The following HOXB6 variants were observed in gnomAD, a reference collection of about 807,000 sequenced individuals.
The protein encoded by HOXB6 is homeobox protein Hox-B6.
HOXB6 carries 18 observed loss-of-function variants against 24.2 expected under a neutral mutation model. The ratio of observed to expected loss-of-function variants is 0.74; its 90% confidence interval spans 0.51 to 1.10. HOXB6 has a LOEUF of 1.10. Among genes scored for constraint, HOXB6 ranks in the 50% least tolerant of loss-of-function variants. The pLI is 0.00. For missense variants in HOXB6, 332 were observed against 308.3 expected (o/e 1.08, Z -0.58); for synonymous variants, 159 against 139.1 (o/e 1.14, Z -1.01).
chr17:48,601,015 T>TGTGGTGTG (rs1555645474), intron 2 of HOXB6, among the ~76,000 whole-genome samples: 1 of 149,066 alleles, frequency 6.7e-6, no homozygotes, highest in Non-Finnish European at 1.5e-5. Context: ...TGTGTGTGTG[T>TGTGGTGTG]GTGTGGTGTG....
rs753170237 is a variant in HOXB6, at chr17:48,597,822, T to C, written c.329A>G (p.Gln110Arg). The stretch of plus-strand genomic sequence containing the variant: ...TGTCTCGCCGAACACGCTCTTGTCC[T>C]GCGCGCAGTCCGACTTCCGCGGCTC... ...HPEPRKSDCAQDKSVFGETEE... is the reference protein window; with the variant it reads ...HPEPRKSDCARDKSVFGETEE... Residue 110 changes from glutamine to arginine, a missense_variant, in exon 3 of 4, where the codon CAG becomes CGG. Coordinates refer to ENST00000225648, the MANE Select transcript of HOXB6 (RefSeq NM_018952.5). 1 of 1,606,712 alleles carries C rather than the reference T, an allele frequency of 6.2e-7. No homozygotes were observed. The highest frequency in any genetic ancestry group is 1.7e-5 in the Admixed American group (1 of 59,442).
intron 3 of HOXB6, chr17:48,597,039 T>C: frequency 9.1e-7 from 1 of 1,102,552 alleles, no homozygotes; most frequent in South Asian, 1.8e-5. Flanking sequence ...AGGCCGTTAA[T>C]CCGTAATGAC....
chr17:48,596,878 G>GGGGGA lies in HOXB6; in HGVS notation c.416-211_416-207dup. 1 of 1,227,834 alleles carries GGGGGA rather than the reference G, an allele frequency of 8.1e-7. No individual in the cohort carries two copies. The highest frequency in any genetic ancestry group is 1.1e-6 in the Non-Finnish European group (1 of 908,836). 76.1% of individuals were successfully genotyped at this position (1,227,834 alleles called of 1,614,324 possible). ...TGTGCCGTCTGTCTAGACTCTAGAT[G>GGGGGA]GGGGAGGGGAGGAGCAGTTTGAACT... On this transcript the variant is annotated intron_variant, in intron 3 of 3. Transcript: ENST00000225648. This position sits in a 1 kb window ranked among gnomAD's most constrained non-coding sequence, Gnocchi z 4.8.
In HOXB6 at chr17:48,595,934, TA is replaced by T. The variant is rs1276103000; in HGVS notation, c.*478del. 1 of 379,608 alleles carries T rather than the reference TA, an allele frequency of 2.6e-6. No individual in the cohort carries two copies. The highest frequency in any genetic ancestry group is 5.2e-6 in the Non-Finnish European group (1 of 190,722). The allele number at this position is 379,608 out of a possible 1,614,324, so 23.5% of individuals were successfully genotyped here. A position where few individuals can be genotyped will look rare whatever the true frequency, so the allele number is the denominator to read the frequency against. ...CTTCTGAGGCTCCTCTTCTTACTTC[TA>T]GGTAGTATGTGCTCCTTCCAGTGGC... On this transcript the variant is annotated 3_prime_UTR_variant, in exon 4 of 4. Transcript: ENST00000225648.
rs1284691990 is a variant in HOXB6 at position 48,597,862 on chromosome 17, G to A, written c.289C>T (p.Pro97Ser). ...ACALSGADEQ[P>S]PFHPEPRKSD... ...TTCCGCGGCTCGGGGTGGAACGGGG[G>A]CTGCTCGTCGGCGCCGGAGAGTGCG... Residue 97 changes from proline to serine, a missense_variant, in exon 3 of 4, where the codon CCC (proline) becomes TCC (serine). By Grantham distance (74) the Pro-to-Ser change is moderately conservative. Coordinates refer to ENST00000225648, the MANE Select transcript of HOXB6 (RefSeq NM_018952.5). The A allele has an allele frequency of 3.8e-6, 6 of 1,594,880 alleles. No individual in the cohort carries two copies. The highest frequency in any genetic ancestry group is 1.1e-5 in the South Asian group (1 of 88,858).
Position 48,596,518 on chromosome 17 carries a change from G to A in HOXB6, c.570C>T (p.Ile190=). 1.2e-6 allele frequency: 2 copies of A among 1,614,230 alleles called. No individual in the cohort carries two copies. The highest frequency in any genetic ancestry group is 1.7e-6 in the Non-Finnish European group (2 of 1,180,042). Residue 190 remains isoleucine, a synonymous_variant, in exon 4 of 4, where the codon ATC becomes ATT. Coordinates refer to ENST00000225648, the MANE Select transcript of HOXB6 (RefSeq NM_018952.5). The surrounding 1 kb of genome is among the most constrained non-coding windows in gnomAD (Gnocchi z 4.8). ...TGCGTCGGTTCTGGAACCATATCTT[G>A]ATCTGCCTCTCCGTCAGGCACAGGG... ...AHALCLTERQ[I]KIWFQNRRMK...
At chr17:48,602,304 G>A (rs1211057329) in intron 2 of HOXB6, 2 of 446,834 alleles carry the variant, frequency 4.5e-6, no homozygotes, top group Non-Finnish European at 9.0e-6. Context: ...CCTTGGCTGA[G>A]AAGAAAACCA....
rs945443311 is a variant in HOXB6 at position 48,604,523 on chromosome 17, A to G, written c.-122T>C. 1.3e-5 allele frequency: 2 copies of G among 152,568 alleles called. No homozygotes were observed. The highest frequency in any genetic ancestry group is 2.9e-5 in the Non-Finnish European group (2 of 68,024). 9.5% of individuals were successfully genotyped at this position (152,568 alleles called of 1,614,324 possible). A position where few individuals can be genotyped will look rare whatever the true frequency, so the allele number is the denominator to read the frequency against. ...TTTTTCCCCCTCCGGATTTAAAGGA[A>G]TGGGTGGGGAGGAAGGAAGGAGTAT... On this transcript the variant is annotated 5_prime_UTR_variant, in exon 2 of 4. Transcript: ENST00000225648.
chr17:48,600,277 C>A (rs139703135), intron 2 of HOXB6, among the ~76,000 whole-genome samples: 4 of 152,280 alleles, frequency 2.6e-5, no homozygotes, highest in African/African-American at 9.6e-5. Context: ...TTCCCTGCCT[C>A]CTCCCTGCCC....
rs2070345498 is a variant in HOXB6 at position 48,597,766 on chromosome 17, G to T, written c.385C>A (p.Pro129Thr). Residue 129 changes from proline to threonine, a missense_variant, in exon 3 of 4, where the codon CCG becomes ACG. Physicochemically the swap from Pro to Thr is conservative, Grantham distance 38. Transcript: ENST00000225648. ...CACGAATTCATCCGCTGCATCCACG[G>T]GTAGACCGGAGTGGAGCACTTCTGC... Reference protein sequence around the residue: ...EEQKCSTPVYPWMQRMNSCNS... With the variant: ...EEQKCSTPVYTWMQRMNSCNS... The T allele has an allele frequency of 1.2e-6, 2 of 1,613,048 alleles. No individual in the cohort carries two copies. Among genetic ancestry groups the T allele is most frequent in the East Asian group, 2.2e-5 (1 of 44,844 alleles).
rs1386500409 is a variant in HOXB6 at position 48,597,774 on chromosome 17, G to A, written c.377C>T (p.Pro126Leu). The A allele has an allele frequency of 2.5e-6, 4 of 1,612,858 alleles. No homozygotes were observed. The highest frequency in any genetic ancestry group is 2.5e-6 in the Non-Finnish European group (3 of 1,179,514). The part of the protein sequence containing the change: ...GETEEQKCST[P>L]VYPWMQRMNS... The stretch of plus-strand genomic sequence containing the variant: ...CATCCGCTGCATCCACGGGTAGACC[G>A]GAGTGGAGCACTTCTGCTCTTCTGT... The change falls in exon 3 of 4, where the codon CCG becomes CTG. Residue 126 changes from proline to leucine, a missense_variant. Transcript: ENST00000225648.
Position 48,597,905 on chromosome 17 carries a change from G to A in HOXB6, c.246C>T (p.Arg82=). The part of the protein sequence containing the change: ...CDYGPAPAFY[R]EKESACALSG... ...AGAGTGCGCAGGCCGACTCTTTCTC[G>A]CGGTAGAAGGCCGGCGCCGGCCCGT... The change falls in exon 3 of 4, where the codon CGC becomes CGT. Residue 82 remains arginine, a synonymous_variant. Coordinates refer to ENST00000225648, the MANE Select transcript of HOXB6 (RefSeq NM_018952.5). The A allele has an allele frequency of 6.3e-7, 1 of 1,580,950 alleles. No homozygotes were observed. Among genetic ancestry groups the A allele is most frequent in the South Asian group, 1.1e-5 (1 of 87,414 alleles).
intron 3 of HOXB6, 136 bp downstream of exon 3, chr17:48,597,600 A>G (rs1597873403): frequency 7.3e-6 from 7 of 962,408 alleles, no homozygotes; most frequent in East Asian, 2.6e-5. Context: ...CCGGCGCCCA[A>G]TCTTCTTCTA....
chr17:48,596,161 C>G lies in HOXB6; in HGVS notation c.*252G>C, dbSNP rs1390733949. On this transcript the variant is annotated 3_prime_UTR_variant, in exon 4 of 4. Coordinates refer to ENST00000225648, the MANE Select transcript of HOXB6 (RefSeq NM_018952.5). This position sits in a 1 kb window ranked among gnomAD's most constrained non-coding sequence, Gnocchi z 4.8. ...CTCAGTTCTCACCAGGAAGCCTGAT[C>G]AGGCTGAGGCGAGTTCCTCGGGAAG... 2.9e-6 allele frequency: 2 copies of G among 681,076 alleles called. No individual in the cohort carries two copies. Among genetic ancestry groups the G allele is most frequent in the South Asian group, 3.0e-5 (2 of 66,900 alleles). The allele number at this position is 681,076 out of a possible 1,614,324, so 42.2% of individuals were successfully genotyped here.
In HOXB6 at chr17:48,597,921, G is replaced by T. The variant is rs770613987; in HGVS notation, c.230C>A (p.Ala77Glu). 1.3e-6 allele frequency: 2 copies of T among 1,574,114 alleles called. No homozygotes were observed. The highest frequency in any genetic ancestry group is 1.7e-6 in the Non-Finnish European group (2 of 1,160,018). Reference sequence around the variant, plus strand: ...CTCTTTCTCGCGGTAGAAGGCCGGCGCCGGCCCGTAGTCGCAGGGCGCCGC... The same window carrying T: ...CTCTTTCTCGCGGTAGAAGGCCGGCTCCGGCCCGTAGTCGCAGGGCGCCGC... ...GRAAPCDYGP[A>E]PAFYREKESA... The change falls in exon 3 of 4, where the codon GCG becomes GAG. Residue 77 changes from alanine to glutamate, a missense_variant. Transcript: ENST00000225648.
chr17:48,600,437 A>T (rs1597878160), intron 2 of HOXB6: 1 of 455,180 alleles, frequency 2.2e-6, no homozygotes, highest in Admixed American at 2.4e-5. Context: ...AATTAACCTC[A>T]CCTCTGCAGG....
In HOXB6 at chr17:48,595,962, T is replaced by G. The variant is rs2070273044; in HGVS notation, c.*451A>C. On this transcript the variant is annotated 3_prime_UTR_variant, in exon 4 of 4. Coordinates refer to ENST00000225648, the MANE Select transcript of HOXB6 (RefSeq NM_018952.5). ...GTAGTATGTGCTCCTTCCAGTGGCT[T>G]TGGGGAGGGGGTGGGAGAGACGACA... 2.3e-6 allele frequency: 1 copy of G among 431,824 alleles called. No individual in the cohort carries two copies. Among genetic ancestry groups the G allele is most frequent in the Non-Finnish European group, 4.7e-6 (1 of 212,942 alleles). The allele number at this position is 431,824 out of a possible 1,614,324, so 26.7% of individuals were successfully genotyped here. A position where few individuals can be genotyped will look rare whatever the true frequency, so the allele number is the denominator to read the frequency against.
intron 2 of HOXB6, chr17:48,601,850 C>A: frequency 4.0e-6 from 1 of 252,232 alleles, no homozygotes. Context: ...CCAGAGCTTC[C>A]TCCTACGGCT....
chr17:48,596,272 G>T lies in HOXB6; in HGVS notation c.*141C>A. 1 of 1,346,322 alleles carries T rather than the reference G, an allele frequency of 7.4e-7. No individual in the cohort carries two copies. Among genetic ancestry groups the T allele is most frequent in the South Asian group, 1.2e-5 (1 of 84,708 alleles). The allele number at this position is 1,346,322 out of a possible 1,614,324, so 83.4% of individuals were successfully genotyped here. ...GCTGTGCGGGCGGGGGCGTCCAGGA[G>T]AGCGCTGGGCCCCGCCTGTCTGCGC... On this transcript the variant is annotated 3_prime_UTR_variant, in exon 4 of 4. Transcript: ENST00000225648. This position sits in a 1 kb window ranked among gnomAD's most constrained non-coding sequence, Gnocchi z 4.8.
Sources: gnomAD v4.1 joint callset for allele counts (sites outside exome capture counted in the v4.1 genomes callset) on GRCh38, gnomAD v4.1.1 for gene constraint, Gnocchi (gnomAD v3.1) non-coding constraint, MANE v1.5 for transcripts, NCBI Gene and HGNC (gene_info 2026-07-23, HGNC 2026-07-21) for gene names.